The following NEGR1 variants were observed in gnomAD, a reference collection of about 807,000 sequenced individuals.
The protein encoded by NEGR1 is neuronal growth regulator 1.
In NEGR1, 10 loss-of-function variants were observed where a neutral mutation model predicts 40.9. The observed-to-expected ratio is 0.24, with a 90% CI of 0.15 to 0.42. The LOEUF is 0.42. Ranked by LOEUF, NEGR1 falls within the 10% of genes least tolerant of loss-of-function variation. NEGR1 has a pLI of 1.00. For synonymous variants in NEGR1, 185 were observed against 166.8 expected, an observed-to-expected ratio of 1.11 and a Z score of -0.84; for missense variants, 352 against 438.9, an observed-to-expected ratio of 0.80 and a Z score of 1.77.
At chr1:72,129,600 C>T (rs1650166096) in intron 1 of NEGR1, among the ~76,000 whole-genome samples, 1 of 152,006 alleles carries the variant, frequency 6.6e-6, no homozygotes, top group Admixed American at 6.6e-5. Context: ...TCCAAGAAGA[C>T]AAACAGATAA....
chr1:71,509,448 G>C (rs1647058537), intron 6 of NEGR1, among the ~76,000 whole-genome samples: 2 of 152,212 alleles, frequency 1.3e-5, no homozygotes, highest in South Asian at 4.1e-4. Context: ...CATGCCACTG[G>C]TGAGTCAGGC....
intron 1 of NEGR1, among the ~76,000 whole-genome samples, chr1:72,089,181 C>T (rs1242612873): frequency 6.6e-6 from 1 of 152,018 alleles, no homozygotes; most frequent in Non-Finnish European, 1.5e-5. Context: ...TTGCCAAGAC[C>T]CATACTTGTA....
chr1:71,846,261 T>C (rs1203402255), intron 2 of NEGR1, among the ~76,000 whole-genome samples: 1 of 152,104 alleles, frequency 6.6e-6, no homozygotes, highest in African/African-American at 2.4e-5. Context: ...TCTGATTCCT[T>C]TTCTAATACC....
At chr1:71,739,515 C>CA (rs989117299) in intron 3 of NEGR1, among the ~76,000 whole-genome samples, 35 of 149,886 alleles carry the variant, frequency 2.3e-4, no homozygotes, top group African/African-American at 8.1e-4. Flanking sequence ...CAAAACAAAA[C>CA]AAAAAACTAA....
At chr1:71,555,165 C>G (rs1320597285) in intron 6 of NEGR1, among the ~76,000 whole-genome samples, 2 of 151,534 alleles carry the variant, frequency 1.3e-5, no homozygotes, top group African/African-American at 4.8e-5. Flanking sequence ...CCCCTCACTC[C>G]CAATTAGAAA....
intron 6 of NEGR1, among the ~76,000 whole-genome samples, chr1:71,488,357 T>A (rs1646902165): frequency 6.6e-6 from 1 of 151,806 alleles, no homozygotes; most frequent in African/African-American, 2.4e-5. Flanking sequence ...TAGAGCCTGT[T>A]ATCACAGCCC....
chr1:71,899,893 GC>G (rs1264445911), intron 2 of NEGR1, among the ~76,000 whole-genome samples: 5 of 152,120 alleles, frequency 3.3e-5, no homozygotes, highest in Non-Finnish European at 7.4e-5. Flanking sequence ...CACTCTAAAT[GC>G]CCTGGCCCTG....
At chr1:71,509,187 A>T (rs1459283548) in intron 6 of NEGR1, among the ~76,000 whole-genome samples, 3 of 152,194 alleles carry the variant, frequency 2.0e-5, no homozygotes, top group Non-Finnish European at 2.9e-5. Context: ...CCTCAGCCAC[A>T]AGTGGTTCCG....
chr1:71,722,874 T>A (rs917668527), intron 3 of NEGR1, among the ~76,000 whole-genome samples: 1 of 152,152 alleles, frequency 6.6e-6, no homozygotes, highest in Non-Finnish European at 1.5e-5. Flanking sequence ...TCTAAAAGTT[T>A]CCTTGTGTAC....
chr1:71,684,270 C>CA (rs1015183791), intron 4 of NEGR1, among the ~76,000 whole-genome samples: 16 of 150,088 alleles, frequency 1.1e-4, no homozygotes, highest in African/African-American at 2.2e-4. Flanking sequence ...GACTCCATCT[C>CA]AAAAAAAAAT....
chr1:71,484,528 A>G (rs1049282346), intron 6 of NEGR1, among the ~76,000 whole-genome samples: 2 of 151,800 alleles, frequency 1.3e-5, no homozygotes, highest in Non-Finnish European at 2.9e-5. Context: ...TTAGAAAACA[A>G]TCTCAGACTA....
chr1:71,704,202 C>CAA (rs55884623), intron 3 of NEGR1, among the ~76,000 whole-genome samples: 3 of 144,160 alleles, frequency 2.1e-5, no homozygotes. Context: ...CACACACACA[C>CAA]AAGATTTAAA....
chr1:71,827,925 G>A (rs1002668720), intron 2 of NEGR1, among the ~76,000 whole-genome samples: 3 of 151,836 alleles, frequency 2.0e-5, no homozygotes, highest in East Asian at 1.9e-4. Flanking sequence ...CAAATGAAAC[G>A]TCAGGTGAAC....
intron 1 of NEGR1, among the ~76,000 whole-genome samples, chr1:72,215,907 C>G (rs1368933548): frequency 6.6e-6 from 1 of 151,926 alleles, no homozygotes; most frequent in Non-Finnish European, 1.5e-5. Flanking sequence ...GACCCATGCA[C>G]ACGTATGTTT....
intron 1 of NEGR1, among the ~76,000 whole-genome samples, chr1:72,207,459 G>A (rs1653452684): frequency 6.6e-6 from 1 of 151,720 alleles, no homozygotes; most frequent in Non-Finnish European, 1.5e-5. Flanking sequence ...AAAAATTTGG[G>A]AACTTGGAGA....
At chr1:71,647,895 C>T (rs1651586398) in intron 4 of NEGR1, among the ~76,000 whole-genome samples, 1 of 151,942 alleles carries the variant, frequency 6.6e-6, no homozygotes, top group African/African-American at 2.4e-5. Flanking sequence ...ACACCACTGA[C>T]ATATTTCCCT....
At chr1:71,792,409 G>A (rs544503508) in intron 2 of NEGR1, among the ~76,000 whole-genome samples, 1 of 152,216 alleles carries the variant, frequency 6.6e-6, no homozygotes, top group Admixed American at 6.5e-5. Flanking sequence ...CAGTTGATGA[G>A]TAACGTAAGA....
At position 72,182,852 on chromosome 1, in the gene NEGR1, A is replaced by AGAAAAG. The variant is rs1553148684; in HGVS notation, c.176+99466_176+99467insCTTTTC. Among the ~76,000 whole-genome samples the AGAAAAG allele has an allele frequency of 1.8e-3, 280 of 151,566 alleles. 2 individuals carry two copies. The highest frequency in any genetic ancestry group is 6.6e-3 in the African/African-American group (271 of 41,360). On this transcript the variant is annotated intron_variant, in intron 1 of 6. Transcript: ENST00000357731. ...CATATATACATATATAGTTAATAAA[A>AGAAAAG]GACCCATCCCACAGGTTTGCTTTTT...
At chr1:71,588,007 C>T (rs538554197) in intron 6 of NEGR1, among the ~76,000 whole-genome samples, 9 of 152,134 alleles carry the variant, frequency 5.9e-5, no homozygotes, top group Non-Finnish European at 8.8e-5. Context: ...TCTTTGAATA[C>T]GTGTCTTATA....
Sources: allele counts gnomAD v4.1 joint callset (sites outside exome capture counted in the v4.1 genomes callset), GRCh38; gene constraint gnomAD v4.1.1; transcripts MANE v1.5; gene names NCBI Gene and HGNC (gene_info 2026-07-23, HGNC 2026-07-21).